KIF26B: variants seen among roughly 807,000 people sequenced by gnomAD.
KIF26B encodes kinesin-like protein KIF26B.
Under a neutral mutation model 151.2 loss-of-function variants are expected in KIF26B, and 63 were observed. The ratio of observed to expected loss-of-function variants is 0.42; its 90% confidence interval spans 0.34 to 0.51. KIF26B has a LOEUF of 0.51. Ranked by LOEUF, KIF26B falls within the 20% of genes least tolerant of loss-of-function variation. KIF26B has a pLI of 0.07. For missense variants in KIF26B, 2,813 were observed against 2,913.6 expected, an observed-to-expected ratio of 0.97 and a Z score of 0.79; for synonymous variants, 1,357 against 1,262.1, an observed-to-expected ratio of 1.08 and a Z score of -1.59.
intron 5 of KIF26B, among the ~76,000 whole-genome samples, chr1:245,590,567 A>G (rs1363275693): frequency 2.0e-5 from 3 of 152,178 alleles, no homozygotes; most frequent in Non-Finnish European, 4.4e-5. Context: ...CAGGCAGAAG[A>G]GCGTGGTGGA....
At chr1:245,369,914 G>A (rs1673071381) in intron 3 of KIF26B, among the ~76,000 whole-genome samples, 1 of 152,216 alleles carries the variant, frequency 6.6e-6, no homozygotes, top group African/African-American at 2.4e-5. Context: ...CCTGTGCAGT[G>A]CTTCACATTC....
At chr1:245,434,787 G>T (rs1031297898) in intron 4 of KIF26B, among the ~76,000 whole-genome samples, 1 of 152,134 alleles carries the variant, frequency 6.6e-6, no homozygotes, top group Non-Finnish European at 1.5e-5. Context: ...AGCCCCAGTT[G>T]TCTGTGTCCA....
intron 2 of KIF26B, among the ~76,000 whole-genome samples, chr1:245,193,767 G>A (rs945047677): frequency 1.3e-5 from 2 of 152,188 alleles, no homozygotes; most frequent in East Asian, 1.9e-4. Context: ...TCGCCAGAGC[G>A]TCCCTCCACT....
rs973860809 is a variant in KIF26B at position 245,155,973 on chromosome 1, T to TG, written c.64-305dup. Among the ~76,000 whole-genome samples, 7 of 143,490 alleles carry TG rather than the reference T, an allele frequency of 4.9e-5. 1 individual carries two copies. The highest frequency in any genetic ancestry group is 7.2e-5 in the Admixed American group (1 of 13,982). 94.1% of individuals were successfully genotyped at this position (143,490 alleles called of 152,430 possible). A position where few individuals can be genotyped will look rare whatever the true frequency, so the allele number is the denominator to read the frequency against. On this transcript the variant is annotated intron_variant, in intron 1 of 14. Transcript: ENST00000407071. ...GGGATAGGTGCCGGCTTCAAAAGCG[T>TG]GGGGCGCTGAACCTATGGATCCCCC...
rs2043071992 is a variant in KIF26B, at chr1:245,572,170, C to G, written c.1351-30407C>G. ...CCCAACAGAGACAGGCTGACTCTTACTACGTGGCCGTAGGAATGGTTTGCC... is the reference window on the plus strand; with the variant it reads ...CCCAACAGAGACAGGCTGACTCTTAGTACGTGGCCGTAGGAATGGTTTGCC... On this transcript the variant is annotated intron_variant, in intron 5 of 14. Transcript: ENST00000407071. This position sits in a 1 kb window ranked among gnomAD's most constrained non-coding sequence, Gnocchi z 4.2. Among the ~76,000 whole-genome samples the G allele has an allele frequency of 1.3e-5, 2 of 152,204 alleles. No homozygotes were observed. Among genetic ancestry groups the G allele is most frequent in the Non-Finnish European group, 2.9e-5 (2 of 68,036 alleles).
intron 3 of KIF26B, among the ~76,000 whole-genome samples, chr1:245,412,640 G>A (rs1190791255): frequency 6.6e-6 from 1 of 152,180 alleles, no homozygotes; most frequent in African/African-American, 2.4e-5. Context: ...TGATTCTGTG[G>A]TCAAGATGGT....
intron 10 of KIF26B, among the ~76,000 whole-genome samples, chr1:245,677,114 T>A (rs1023246305): frequency 7.9e-5 from 12 of 152,226 alleles, no homozygotes; most frequent in Admixed American, 3.3e-4. Context: ...GTTCAAGACC[T>A]CTGCCAACCA....
Position 245,420,716 on chromosome 1 carries a change from G to A in KIF26B, c.1166+971G>A, listed in dbSNP as rs116342970. On this transcript the variant is annotated intron_variant, in intron 4 of 14. Transcript: ENST00000407071. Reference sequence around the variant, plus strand: ...AGGATGATACCTGCTCTGCAGGGTCGCTCCGAAGACTAACATAAGATGATG... The same window carrying A: ...AGGATGATACCTGCTCTGCAGGGTCACTCCGAAGACTAACATAAGATGATG... Among the ~76,000 whole-genome samples, 688 of 152,318 alleles carry A rather than the reference G, an allele frequency of 4.5e-3. 5 individuals are homozygous for A. Among genetic ancestry groups the A allele is most frequent in the Non-Finnish European group, 7.6e-3 (520 of 68,036 alleles).
intron 9 of KIF26B, among the ~76,000 whole-genome samples, chr1:245,634,236 T>C (rs919453243): frequency 1.3e-5 from 2 of 152,254 alleles, no homozygotes; most frequent in Non-Finnish European, 2.9e-5. Context: ...TTTTTGTGGA[T>C]TGCATCCATT....
chr1:245,297,143 G>C (rs559172318), intron 2 of KIF26B, among the ~76,000 whole-genome samples: 1 of 152,294 alleles, frequency 6.6e-6, no homozygotes, highest in South Asian at 2.1e-4. Context: ...AGGAGTTCAA[G>C]ACCAGCCTGG....
rs79374672 is a variant in KIF26B, at chr1:245,445,510, G to A, written c.1166+25765G>A. On this transcript the variant is annotated intron_variant, in intron 4 of 14. Transcript: ENST00000407071. ...TATGTGTGTGTATGCATGCATGTGC[G>A]CACGTGGGGGGGATACACATGGAAT... Among the ~76,000 whole-genome samples, 95 of 152,294 alleles carry A rather than the reference G, an allele frequency of 6.2e-4. No homozygotes were observed. The East Asian group carries it at 0.015, about 24-fold the overall frequency.
intron 3 of KIF26B, among the ~76,000 whole-genome samples, chr1:245,413,868 C>T (rs957117278): frequency 2.6e-5 from 4 of 152,168 alleles, no homozygotes; most frequent in African/African-American, 4.8e-5. Context: ...CCACCTCAGC[C>T]GAATGGATCA....
chr1:245,391,955 T>G (rs763826286), intron 3 of KIF26B, among the ~76,000 whole-genome samples: 1 of 151,840 alleles, frequency 6.6e-6, no homozygotes, highest in Non-Finnish European at 1.5e-5. Flanking sequence ...AAAGATGGAA[T>G]GATTCTTATA....
chr1:245,586,645 A>T (rs2043227903), intron 5 of KIF26B, among the ~76,000 whole-genome samples: 1 of 152,002 alleles, frequency 6.6e-6, no homozygotes, highest in Admixed American at 6.5e-5. Flanking sequence ...GCACTTTGGG[A>T]GGCCGAGGCG....
rs187623215 is a variant in KIF26B, at chr1:245,470,443, G to T, written c.1166+50698G>T. Among the ~76,000 whole-genome samples the T allele has an allele frequency of 6.2e-4, 94 of 152,110 alleles. 1 individual carries two copies. The East Asian group carries it at 0.015, about 25-fold the overall frequency. On this transcript the variant is annotated intron_variant, in intron 4 of 14. Coordinates refer to ENST00000407071, the MANE Select transcript of KIF26B (RefSeq NM_018012.4). ...ATAATGCCACTTTGTTTTTGTTTTT[G>T]TTTTTGAGATGGAGTCTCACTCTGT...
chr1:245,450,445 A>C (rs1248354322), intron 4 of KIF26B, among the ~76,000 whole-genome samples: 1 of 152,226 alleles, frequency 6.6e-6, no homozygotes, highest in Admixed American at 6.5e-5. Flanking sequence ...CATGTTAATT[A>C]GATGGGAAAG....
chr1:245,587,481 C>T (rs1224039205), intron 5 of KIF26B, among the ~76,000 whole-genome samples: 1 of 152,126 alleles, frequency 6.6e-6, no homozygotes, highest in African/African-American at 2.4e-5. Flanking sequence ...ATCTTCTAGA[C>T]TCATTTGGGG....
At chr1:245,610,817 ATCTC>A (rs1230082593) in intron 8 of KIF26B, among the ~76,000 whole-genome samples, 1 of 152,222 alleles carries the variant, frequency 6.6e-6, no homozygotes, top group Non-Finnish European at 1.5e-5. Flanking sequence ...ACACAAAAGA[ATCTC>A]TCTTTGAAGT....
intron 9 of KIF26B, among the ~76,000 whole-genome samples, chr1:245,625,796 C>G (rs1212347710): frequency 6.6e-6 from 1 of 151,876 alleles, no homozygotes; most frequent in Non-Finnish European, 1.5e-5. Context: ...CATCCCGCCC[C>G]TTCCCACACA....
Sources: gnomAD v4.1 joint callset for allele counts (sites outside exome capture counted in the v4.1 genomes callset) on GRCh38, gnomAD v4.1.1 for gene constraint, Gnocchi (gnomAD v3.1) non-coding constraint, MANE v1.5 for transcripts, NCBI Gene and HGNC (gene_info 2026-07-23, HGNC 2026-07-21) for gene names.